Variants in ABCC12 observed in about 807,000 individuals in gnomAD.
ABCC12 encodes the protein ATP binding cassette subfamily C member 12.
In ABCC12, 142 loss-of-function variants were observed where a neutral mutation model predicts 151.1. That is an observed-to-expected ratio of 0.94 (90% CI 0.82 to 1.08). The LOEUF is 1.08. Ranked by LOEUF, ABCC12 falls within the 50% of genes least tolerant of loss-of-function variation. ABCC12 has a pLI of 0.00. For synonymous variants in ABCC12, 645 were observed against 646.4 expected (o/e 1.00, Z 0.03); for missense variants, 1,638 against 1,691.1 (o/e 0.97, Z 0.55).
At chr16:48,142,268 T>C (rs1311554446) in intron 4 of ABCC12, among the ~76,000 whole-genome samples, 2 of 152,216 alleles carry the variant, frequency 1.3e-5, no homozygotes, top group African/African-American at 4.8e-5. Context: ...TCCCATTGGA[T>C]GCTGGCCATG....
rs139362934 is a variant in ABCC12, at chr16:48,104,287, G to A, written c.2755C>T (p.Leu919=). ...MNRFSKDMDE[L]DVRLPFHAEN... The stretch of plus-strand genomic sequence containing the variant: ...GCGTGAAACGGCAGCCTCACATCCA[G>A]CTCGTCCATATCCTTGGAAAAACGG... The change falls in exon 22 of 31, where the codon CTG becomes TTG. Residue 919 remains leucine (L), a synonymous_variant. Transcript: ENST00000311303. The A allele has an allele frequency of 5.1e-5, 82 of 1,614,130 alleles. No individual in the cohort carries two copies. The Admixed American group carries it at 5.3e-4, about 10-fold the overall frequency.
In ABCC12 at chr16:48,140,827, CGGT is replaced by C. The variant is rs1436741546; in HGVS notation, c.514_516del (p.Thr172del). The C allele has an allele frequency of 6.2e-7, 1 of 1,614,090 alleles. No homozygotes were observed. The highest frequency in any genetic ancestry group is 1.7e-5 in the Admixed American group (1 of 60,018). On this transcript the variant is annotated inframe_deletion, in exon 6 of 31. Coordinates refer to ENST00000311303, the MANE Select transcript of ABCC12 (RefSeq NM_001393797.1). The stretch of plus-strand genomic sequence containing the variant: ...GCCCAAAAGAAGACTTTGGTAAACT[CGGT>C]GGCAAAAAGGGCTATGCACAGTCCA...
intron 12 of ABCC12, 86 bp from the exon 13 acceptor site, chr16:48,121,926 T>C (rs1964084102): frequency 1.3e-6 from 2 of 1,577,846 alleles, no homozygotes; most frequent in Non-Finnish European, 1.7e-6. Context: ...CACCCACATA[T>C]TCCACAAGCA....
intron 19 of ABCC12, 76 bp downstream of exon 19, chr16:48,108,364 A>T: frequency 7.5e-7 from 1 of 1,333,742 alleles, no homozygotes; most frequent in Non-Finnish European, 1.1e-6. Flanking sequence ...GAAATCATAA[A>T]ACGTGAACCC....
intron 18 of ABCC12, among the ~76,000 whole-genome samples, chr16:48,110,592 GC>G (rs1963650832): frequency 6.6e-6 from 1 of 152,024 alleles, no homozygotes; most frequent in African/African-American, 2.4e-5. Context: ...TGACCAGGTA[GC>G]CCCCACCAGG....
At chr16:48,137,655 C>T (rs1353690147) in intron 8 of ABCC12, among the ~76,000 whole-genome samples, 1 of 152,230 alleles carries the variant, frequency 6.6e-6, no homozygotes, top group African/African-American at 2.4e-5. Context: ...AGATCATTAA[C>T]TGGTGAACCA....
intron 23 of ABCC12, among the ~76,000 whole-genome samples, chr16:48,100,209 C>G (rs931460026): frequency 1.3e-5 from 2 of 152,202 alleles, no homozygotes; most frequent in African/African-American, 4.8e-5. Context: ...ATCCACCCAC[C>G]TCGGCCTTCC....
chr16:48,140,845 T>C lies in ABCC12; in HGVS notation c.499A>G (p.Ile167Val), dbSNP rs1040524986. The C allele has an allele frequency of 5.6e-6, 9 of 1,614,034 alleles. No homozygotes were observed. In the African/African-American group the frequency reaches 1.2e-4, roughly 22 times the overall value. ...GTAAACTCGGTGGCAAAAAGGGCTATGCACAGTCCAATGCCAACCCAGACT... is the reference window on the plus strand; with the variant it reads ...GTAAACTCGGTGGCAAAAAGGGCTACGCACAGTCCAATGCCAACCCAGACT... ...GKVWVGIGLCIALFATEFTKV... is the reference protein window; with the variant it reads ...GKVWVGIGLCVALFATEFTKV... The change falls in exon 6 of 31, where the codon ATA (isoleucine) becomes GTA (valine). Residue 167 changes from isoleucine to valine, a missense_variant. Physicochemically the swap from Ile to Val is conservative, Grantham distance 29 (BLOSUM62 3). Transcript: ENST00000311303.
At chr16:48,120,012 G>A (rs1216240898) in intron 13 of ABCC12, among the ~76,000 whole-genome samples, 6 of 152,174 alleles carry the variant, frequency 3.9e-5, no homozygotes, top group Admixed American at 2.0e-4. Context: ...GAGAATGTAC[G>A]TGGCAATACA....
At position 48,091,134 on chromosome 16, in the gene ABCC12, T is replaced by C. The variant is rs1276232598; in HGVS notation, c.3271A>G (p.Arg1091Gly). 9 of 1,614,094 alleles carry C rather than the reference T, an allele frequency of 5.6e-6. No individual in the cohort carries two copies. Among genetic ancestry groups the C allele is most frequent in the Non-Finnish European group, 6.8e-6 (8 of 1,180,018 alleles). Residue 1091 changes from arginine (R) to glycine (G), a missense_variant, in exon 25 of 31, where the codon AGG becomes GGG. Physicochemically the swap from Arg to Gly is moderately radical, Grantham distance 125. Coordinates refer to ENST00000311303, the MANE Select transcript of ABCC12 (RefSeq NM_001393797.1). ...TAATTTCTTACCGAAATGTATTCCC[T>C]GAGCAGCTCCACGGAGGTGAATTTG... ...QAKFTSVELL[R>G]EYISTCVPEC...
chr16:48,098,370 A>T (rs1379637088), intron 23 of ABCC12, among the ~76,000 whole-genome samples: 4 of 152,082 alleles, frequency 2.6e-5, no homozygotes, highest in Non-Finnish European at 5.9e-5. Context: ...AGGAGGTACA[A>T]TTCCTCCCCT....
At chr16:48,094,090 C>T (rs934062782) in intron 24 of ABCC12, among the ~76,000 whole-genome samples, 6 of 152,154 alleles carry the variant, frequency 3.9e-5, no homozygotes, top group Admixed American at 6.5e-5. Context: ...CTGATAATAT[C>T]GCCCAAAAGC....
rs1962373154 is a variant in ABCC12, at chr16:48,082,272, T to C, written c.*1443A>G. Among the ~76,000 whole-genome samples the C allele has an allele frequency of 6.6e-6, 1 of 152,208 alleles. No homozygotes were observed. The highest frequency in any genetic ancestry group is 2.1e-4 in the South Asian group (1 of 4,834). ...GGGCTTTCATGCAGTTGCCAGGTTA[T>C]AAGCTCTACCTAAGGCCAGGTGTGC... On this transcript the variant is annotated 3_prime_UTR_variant, in exon 31 of 31. Coordinates refer to ENST00000311303, the MANE Select transcript of ABCC12 (RefSeq NM_001393797.1).
rs748674550 is a variant in ABCC12 at position 48,138,375 on chromosome 16, T to A, written c.832A>T (p.Met278Leu). 3.3e-5 allele frequency: 53 copies of A among 1,611,182 alleles called. No homozygotes were observed. Among genetic ancestry groups the A allele is most frequent in the Non-Finnish European group, 4.2e-5 (49 of 1,177,918 alleles). ...SVYVIFIPVQ[M>L]FMAKLNSAFR... ...GCTGAATTGAGCTTGGCCATAAACATCTGAAATCAAGGTACAAACACTGTT... is the reference window on the plus strand; with the variant it reads ...GCTGAATTGAGCTTGGCCATAAACAACTGAAATCAAGGTACAAACACTGTT... The change falls in exon 8 of 31, where the codon ATG (methionine) becomes TTG (leucine). Residue 278 changes from methionine to leucine, a missense_variant and splice_region_variant. Coordinates refer to ENST00000311303, the MANE Select transcript of ABCC12 (RefSeq NM_001393797.1).
intron 4 of ABCC12, among the ~76,000 whole-genome samples, chr16:48,143,678 A>G (rs1323994085): frequency 6.6e-6 from 1 of 152,068 alleles, no homozygotes; most frequent in African/African-American, 2.4e-5. Flanking sequence ...GTCTCATGAG[A>G]TCTGATGGTT....
At chr16:48,144,192 A>C (rs1567458596) in intron 3 of ABCC12, 127 bp from the exon 4 acceptor site, 2 of 1,189,828 alleles carry the variant, frequency 1.7e-6, no homozygotes, top group South Asian at 3.2e-5. Flanking sequence ...TGCATTCATT[A>C]TGTTTATTAG....
Position 48,140,901 on chromosome 16 carries a change from AT to A in ABCC12, c.442del (p.Ile148SerfsTer20), listed in dbSNP as rs769854900. ...AIGPTVLIHQ[I>X]LQQTERTSGK... is the part of the protein sequence containing the mutation. ...AGAGGTCCTCTCAGTCTGCTGGAGG[AT>A]TTGGTGAATGAGAACTGTCTGTAAA... On this transcript the variant is annotated frameshift_variant, in exon 6 of 31. Transcript: ENST00000311303. LOFTEE classifies it high-confidence loss of function. 124 of 1,613,946 alleles carry A rather than the reference AT, an allele frequency of 7.7e-5. No homozygotes were observed. The African/African-American group carries it at 1.4e-3, about 19-fold the overall frequency.
intron 20 of ABCC12, among the ~76,000 whole-genome samples, chr16:48,106,308 G>A (rs1006752399): frequency 4.6e-5 from 7 of 152,222 alleles, no homozygotes; most frequent in South Asian, 4.2e-4. Flanking sequence ...TTCAACCACC[G>A]TGGCTGCATG....
intron 10 of ABCC12, among the ~76,000 whole-genome samples, chr16:48,129,009 C>T: frequency 6.6e-6 from 1 of 152,230 alleles, no homozygotes; most frequent in Non-Finnish European, 1.5e-5. Flanking sequence ...CACCCTTGTG[C>T]CCAAGACAGT....
Sources: gnomAD v4.1 joint callset for allele counts (sites outside exome capture counted in the v4.1 genomes callset) on GRCh38, gnomAD v4.1.1 for gene constraint, MANE v1.5 for transcripts, NCBI Gene and HGNC (gene_info 2026-07-23, HGNC 2026-07-21) for gene names.